CHTF18: variants seen among roughly 807,000 people sequenced by gnomAD.
CHTF18 encodes the protein chromosome transmission fidelity protein 18 homolog.
In CHTF18, 151 loss-of-function variants were observed where a neutral mutation model predicts 113.4. The ratio of observed to expected loss-of-function variants is 1.33; its 90% CI spans 1.17 to 1.52. CHTF18 has a LOEUF of 1.52. CHTF18 is among the 40% of genes most tolerant of loss of function. The probability of loss-of-function intolerance (pLI) is 0.00; values close to 1 mark genes in which losing one functional copy is unlikely to be tolerated. For synonymous variants in CHTF18, 916 were observed against 598.8 expected, an observed-to-expected ratio of 1.53 and a Z score of -7.74; for missense variants, 1,982 against 1,381.6, an observed-to-expected ratio of 1.43 and a Z score of -6.89.
At chr16:795,522 C>A (rs2042317229) in intron 16 of CHTF18, among the ~76,000 whole-genome samples, 163 bp from the exon 17 acceptor site, 1 of 52,988 alleles carries the variant, frequency 1.9e-5, no homozygotes, top group Non-Finnish European at 3.3e-5. Context: ...TGTGGCTGCC[C>A]CCGGCCCCGT....
chr16:792,834 T>A (rs771808033), intron 12 of CHTF18, 23 bp downstream of exon 12: 2 of 1,537,360 alleles, frequency 1.3e-6, no homozygotes. Flanking sequence ...CCAGGAGCCG[T>A]GTGGCTGATG....
rs548971121 is a variant in CHTF18 at position 796,580 on chromosome 16, C to G, written c.2457-137C>G. 4.9e-6 allele frequency: 5 copies of G among 1,029,914 alleles called. No homozygotes were observed. In the South Asian group the frequency reaches 7.1e-5, roughly 15 times the overall value. The allele number at this position is 1,029,914 out of a possible 1,614,324, so 63.8% of individuals were successfully genotyped here. ...ACCTGGCTGCCGCAGGGTTGGGGTG[C>G]GGTGGCACCAGGACTCAGCCCCACA... On this transcript the variant is annotated intron_variant, in intron 18 of 21. Coordinates refer to ENST00000262315, the MANE Select transcript of CHTF18 (RefSeq NM_022092.3).
chr16:795,882 G>T (rs776792290), intron 17 of CHTF18, 48 bp downstream of exon 17: 3 of 1,607,684 alleles, frequency 1.9e-6, no homozygotes, highest in Non-Finnish European at 1.7e-6. Context: ...CTGCCCTCCT[G>T]TCCTAGGTGA....
chr16:794,039 G>T lies in CHTF18; in HGVS notation c.1803-15G>T. The T allele has an allele frequency of 6.2e-7, 1 of 1,605,698 alleles. No individual in the cohort carries two copies. The highest frequency in any genetic ancestry group is 1.1e-5 in the South Asian group (1 of 90,788). On this transcript the variant is annotated splice_polypyrimidine_tract_variant and intron_variant, in intron 14 of 21. Transcript: ENST00000262315. Reference sequence around the variant, plus strand: ...TTTAACACGGGTCCATCTAGCTTCAGCACCCCACCTGCAGGCGCCGTGTGG... The same window carrying T: ...TTTAACACGGGTCCATCTAGCTTCATCACCCCACCTGCAGGCGCCGTGTGG...
chr16:790,077 C>T (rs1444874711), intron 4 of CHTF18, 100 bp from the exon 5 acceptor site: 8 of 1,537,912 alleles, frequency 5.2e-6, no homozygotes, highest in South Asian at 3.6e-5. Context: ...GGCCAGCTTA[C>T]TGGGGTTGTC....
Position 795,665 on chromosome 16 carries a change from T to G in CHTF18, c.2176-20T>G. ...CCGGGAGGCCCAGGTGACCAGGCCT[T>G]GGCTCACCCCCTGCCCCAGGCCCAG... On this transcript the variant is annotated intron_variant, in intron 16 of 21. Transcript: ENST00000262315. 1 of 1,561,774 alleles carries G rather than the reference T, an allele frequency of 6.4e-7. No individual in the cohort carries two copies. Among genetic ancestry groups the G allele is most frequent in the Non-Finnish European group, 8.6e-7 (1 of 1,157,134 alleles).
At position 788,681 on chromosome 16, in the gene CHTF18, C is replaced by G; in HGVS notation, c.-4C>G. 6.5e-7 allele frequency: 1 copy of G among 1,541,774 alleles called. No homozygotes were observed. Among genetic ancestry groups the G allele is most frequent in the Non-Finnish European group, 8.7e-7 (1 of 1,147,974 alleles). On this transcript the variant is annotated 5_prime_UTR_variant, in exon 1 of 22. Coordinates refer to ENST00000262315, the MANE Select transcript of CHTF18 (RefSeq NM_022092.3). Reference sequence around the variant, plus strand: ...CGGAGCGGGAGCTCGGGCTCGCGGACGGTATGGAGGACTACGAGCAGGAGC... The same window carrying G: ...CGGAGCGGGAGCTCGGGCTCGCGGAGGGTATGGAGGACTACGAGCAGGAGC...
At chr16:796,604 C>G in intron 18 of CHTF18, 113 bp from the exon 19 acceptor site, 1 of 1,288,258 alleles carries the variant, frequency 7.8e-7, no homozygotes, top group Non-Finnish European at 1.0e-6. Context: ...CTCAGCCCCA[C>G]ATTCCTGCTC....
At position 797,761 on chromosome 16, in the gene CHTF18, G is replaced by A; in HGVS notation, c.2791+10G>A. On this transcript the variant is annotated intron_variant, in intron 21 of 21. Coordinates refer to ENST00000262315, the MANE Select transcript of CHTF18 (RefSeq NM_022092.3). ...GCAGTCCCGAGTGCAGGTGTGTGTGGGGGTGTTGTGGGGTTGTGGGGGGCC... is the reference window on the plus strand; with the variant it reads ...GCAGTCCCGAGTGCAGGTGTGTGTGAGGGTGTTGTGGGGTTGTGGGGGGCC... 1 of 1,610,116 alleles carries A rather than the reference G, an allele frequency of 6.2e-7. No homozygotes were observed.
rs201396975 is a variant in CHTF18, at chr16:792,550, G to T, written c.1438G>T (p.Gly480Trp). The change falls in exon 11 of 22, where the codon GGG becomes TGG. Residue 480 changes from glycine (G) to tryptophan (W), a missense_variant. Gly to Trp is a radical substitution (Grantham distance 184, BLOSUM62 -2). Coordinates refer to ENST00000262315, the MANE Select transcript of CHTF18 (RefSeq NM_022092.3). ...GGGRRRRAEG[G>W]LLMRPIICIC... ...CGGCCGACGGCGCCGGGCAGAGGGG[G>T]GGCTCCTCATGAGGCCCATTATCTG... 5 of 1,596,670 alleles carry T rather than the reference G, an allele frequency of 3.1e-6. No individual in the cohort carries two copies. Among genetic ancestry groups the T allele is most frequent in the Admixed American group, 1.8e-5 (1 of 54,514 alleles).
At position 790,332 on chromosome 16, in the gene CHTF18, C is replaced by T. The variant is rs770119809; in HGVS notation, c.700-15C>T. 5.6e-6 allele frequency: 9 copies of T among 1,612,422 alleles called. No homozygotes were observed. Among genetic ancestry groups the T allele is most frequent in the Admixed American group, 1.7e-5 (1 of 60,014 alleles). On this transcript the variant is annotated splice_polypyrimidine_tract_variant and intron_variant, in intron 5 of 21. Transcript: ENST00000262315. Reference sequence around the variant, plus strand: ...CCGCCTGAGCCCTCCTGATTCCAGCCTGTTGTTTGCACAGCGGCGGGAGCG... The same window carrying T: ...CCGCCTGAGCCCTCCTGATTCCAGCTTGTTGTTTGCACAGCGGCGGGAGCG...
At chr16:791,114 G>T in intron 7 of CHTF18, 47 bp from the exon 8 acceptor site, 1 of 1,568,340 alleles carries the variant, frequency 6.4e-7, no homozygotes, top group South Asian at 1.2e-5. Flanking sequence ...GTCCGTGCCT[G>T]GAGGCGGTGC....
chr16:789,894 GT>G, intron 4 of CHTF18, 179 bp downstream of exon 4: 1 of 1,378,582 alleles, frequency 7.3e-7, no homozygotes, highest in Non-Finnish European at 9.9e-7. Flanking sequence ...CCCACAGCAG[GT>G]TGCTGTCCAG....
Position 792,987 on chromosome 16 carries a change from A to C in CHTF18, c.1594A>C (p.Arg532=), listed in dbSNP as rs769334602. ...CCAGGTCTCCCTGCGGCAGGGCATG[A>C]GGGCCGACCCAGGGGTGCTGGCCGC... is the stretch of plus-strand genomic sequence containing the variant. ...LQEVSLRQGM[R]ADPGVLAALC... The change falls in exon 13 of 22, where the codon AGG becomes CGG. Residue 532 remains arginine, a synonymous_variant. Coordinates refer to ENST00000262315, the MANE Select transcript of CHTF18 (RefSeq NM_022092.3). The C allele has an allele frequency of 6.4e-7, 1 of 1,559,944 alleles. No individual in the cohort carries two copies.
intron 18 of CHTF18, among the ~76,000 whole-genome samples, chr16:796,351 C>G (rs1009342846): frequency 6.6e-6 from 1 of 152,232 alleles, no homozygotes; most frequent in Non-Finnish European, 1.5e-5. Flanking sequence ...AGTGACTGCA[C>G]TTTCCAACAC....
At chr16:791,688 C>T (rs760566167) in intron 8 of CHTF18, 163 bp from the exon 9 acceptor site, 65 of 1,427,888 alleles carry the variant, frequency 4.6e-5, no homozygotes, top group African/African-American at 5.8e-5. Flanking sequence ...TTTCCGTTGC[C>T]ATCTTGGTGT....
Position 791,629 on chromosome 16 carries a change from G to A in CHTF18, c.1105-222G>A, listed in dbSNP as rs1006224878. 9.1e-6 allele frequency: 13 copies of A among 1,430,862 alleles called. No individual in the cohort carries two copies. In the South Asian group the frequency reaches 2.0e-4, roughly 22 times the overall value. The allele number at this position is 1,430,862 out of a possible 1,614,324, so 88.6% of individuals were successfully genotyped here. A position where few individuals can be genotyped will look rare whatever the true frequency, so the allele number is the denominator to read the frequency against. On this transcript the variant is annotated intron_variant, in intron 8 of 21. Coordinates refer to ENST00000262315, the MANE Select transcript of CHTF18 (RefSeq NM_022092.3). ...TGGTTTCTGGGGGCCAGTCACACTG[G>A]TATCAGCTGTGTTTTGTCTGCACGA...
intron 20 of CHTF18, 113 bp from the exon 21 acceptor site, chr16:797,581 C>A: frequency 8.6e-7 from 1 of 1,169,126 alleles, no homozygotes. Context: ...CGAAAGGTGT[C>A]TCAGAGGTGT....
chr16:796,628 T>G, intron 18 of CHTF18, 89 bp from the exon 19 acceptor site: 1 of 1,408,450 alleles, frequency 7.1e-7, no homozygotes, highest in Non-Finnish European at 9.4e-7. Context: ...CCTTGTGGCT[T>G]TTGGGGTTTG....
Sources: gnomAD v4.1 joint callset for allele counts (sites outside exome capture counted in the v4.1 genomes callset) on GRCh38, gnomAD v4.1.1 for gene constraint, MANE v1.5 for transcripts, NCBI Gene and HGNC (gene_info 2026-07-23, HGNC 2026-07-21) for gene names.